GUCY2F: variants seen among roughly 807,000 people sequenced by gnomAD.
GUCY2F encodes guanylate cyclase 2F, retinal.
In GUCY2F, 61 loss-of-function variants were observed where a neutral mutation model predicts 73.1. That is an observed-to-expected ratio of 0.83 (90% CI 0.68 to 1.03). The LOEUF (loss-of-function observed/expected upper bound fraction) is 1.03, where lower values mean the gene tolerates loss of function less well. Ranked by LOEUF, GUCY2F falls within the 50% of genes least tolerant of loss-of-function variation. GUCY2F has a pLI of 0.00. For missense variants in GUCY2F, 912 were observed against 854.3 expected, an observed-to-expected ratio of 1.07 and a Z score of -0.84; for synonymous variants, 331 against 307.8, an observed-to-expected ratio of 1.08 and a Z score of -0.79.
At chrX:109,476,775 C>CT (rs901225259) in intron 1 of GUCY2F, among the ~76,000 whole-genome samples, 1 of 95,304 alleles carries the variant, frequency 1.0e-5, no homozygotes, top group African/African-American at 5.4e-5. Context: ...GATAGATAGA[C>CT]AGACTATATA....
intron 15 of GUCY2F, among the ~76,000 whole-genome samples, 162 bp from the exon 16 acceptor site, chrX:109,385,444 T>A (rs1217983988): frequency 1.2e-4 from 14 of 112,622 alleles, no homozygotes; most frequent in South Asian, 3.6e-4. Flanking sequence ...AGTGAACTCT[T>A]TGCCCTACAA....
intron 8 of GUCY2F, among the ~76,000 whole-genome samples, chrX:109,414,871 C>T (rs1028197304): frequency 9.0e-6 from 1 of 111,630 alleles, no homozygotes; most frequent in Non-Finnish European, 1.9e-5. Flanking sequence ...AAGTAAAAGC[C>T]AGTGTGCCTT....
At chrX:109,373,118 A>T (rs987415316) in intron 19 of GUCY2F, 119 bp from the exon 20 acceptor site, 2 of 113,078 alleles carry the variant, frequency 1.8e-5, no homozygotes, top group African/African-American at 6.4e-5. Flanking sequence ...ACAGCTTGCA[A>T]ATTGCTCAAC....
chrX:109,419,962 G>T (rs776433187), intron 8 of GUCY2F, among the ~76,000 whole-genome samples: 17 of 109,992 alleles, frequency 1.5e-4, no homozygotes, highest in Non-Finnish European at 3.3e-4. Flanking sequence ...TGGCATTATG[G>T]TTACACTAAT....
At chrX:109,423,082 G>A (rs1362870515) in intron 8 of GUCY2F, among the ~76,000 whole-genome samples, 5 of 111,872 alleles carry the variant, frequency 4.5e-5, no homozygotes, top group Admixed American at 9.5e-5. Context: ...TCTGGTTTTC[G>A]GTGAACACAA....
chrX:109,412,329 A>G (rs1207356888), intron 8 of GUCY2F, among the ~76,000 whole-genome samples: 4 of 111,712 alleles, frequency 3.6e-5, no homozygotes, highest in Non-Finnish European at 7.5e-5. Flanking sequence ...GAGATGAATT[A>G]CACTATAGGA....
chrX:109,386,872 AC>A (rs1414526417), intron 15 of GUCY2F, among the ~76,000 whole-genome samples: 1 of 111,787 alleles, frequency 8.9e-6, no homozygotes, highest in Non-Finnish European at 1.9e-5. Flanking sequence ...ATAATGGTGA[AC>A]CCTACAAGAA....
intron 11 of GUCY2F, among the ~76,000 whole-genome samples, chrX:109,398,045 T>A (rs925977672): frequency 1.8e-5 from 2 of 111,235 alleles, no homozygotes; most frequent in African/African-American, 6.5e-5. Flanking sequence ...TCTTGTGGGT[T>A]CATACTTTGA....
intron 7 of GUCY2F, among the ~76,000 whole-genome samples, chrX:109,440,081 G>A (rs1931836249): frequency 8.9e-6 from 1 of 112,070 alleles, no homozygotes; most frequent in African/African-American, 3.2e-5. Context: ...GTCTTAGTCT[G>A]TTAGTACTGG....
intron 9 of GUCY2F, among the ~76,000 whole-genome samples, chrX:109,407,722 T>C (rs1244610821): frequency 8.8e-6 from 1 of 113,314 alleles, no homozygotes; most frequent in Admixed American, 9.2e-5. Flanking sequence ...GGGGCCAACA[T>C]AAAGCTTGGG....
At chrX:109,473,981 G>A (rs1932626942) in intron 2 of GUCY2F, among the ~76,000 whole-genome samples, 1 of 112,161 alleles carries the variant, frequency 8.9e-6, no homozygotes, top group African/African-American at 3.2e-5. Context: ...AGTAATCAGA[G>A]CCATACTGAT....
intron 8 of GUCY2F, among the ~76,000 whole-genome samples, chrX:109,424,712 A>G (rs1327647598): frequency 1.8e-5 from 2 of 110,915 alleles, no homozygotes; most frequent in Non-Finnish European, 3.8e-5. Context: ...TGTGAACCCA[A>G]AATAGTTCCA....
chrX:109,453,625 T>C lies in GUCY2F; in HGVS notation c.1267A>G (p.Thr423Ala), dbSNP rs777087860. 15 of 1,196,393 alleles carry C rather than the reference T, an allele frequency of 1.3e-5. No homozygotes were observed. The highest frequency in any genetic ancestry group is 1.7e-5 in the Non-Finnish European group (15 of 881,833). ...AGCAGCTCCATTTCCATGTCCACAG[T>C]GTAGGTGCTATGGAGTTCCCATTCT... ...LKEWELHSTYTVDMEMELLRF... is the reference protein window; with the variant it reads ...LKEWELHSTYAVDMEMELLRF... The change falls in exon 4 of 20, where the codon ACT becomes GCT. Residue 423 changes from threonine (T) to alanine (A), a missense_variant. By Grantham distance (58) the Thr-to-Ala change is moderately conservative. Coordinates refer to ENST00000218006, the MANE Select transcript of GUCY2F (RefSeq NM_001522.3).
chrX:109,439,358 G>A (rs1393010541), intron 7 of GUCY2F, among the ~76,000 whole-genome samples: 1 of 111,412 alleles, frequency 9.0e-6, no homozygotes, highest in African/African-American at 3.3e-5. Flanking sequence ...ATGTCTTTGG[G>A]GTCATTCTCC....
chrX:109,417,420 A>G (rs1411942874), intron 8 of GUCY2F, among the ~76,000 whole-genome samples: 2 of 111,418 alleles, frequency 1.8e-5, no homozygotes, highest in East Asian at 2.8e-4. Context: ...TAATTCTAAG[A>G]AGACTATGAT....
intron 7 of GUCY2F, among the ~76,000 whole-genome samples, chrX:109,435,634 G>C (rs200097981): frequency 0.071 from 7,755 of 108,691 alleles, 734 homozygotes; most frequent in African/African-American, 0.24. Context: ...TCTCCTGCCT[G>C]ATTGCCCTGG....
intron 10 of GUCY2F, 132 bp from the exon 11 acceptor site, chrX:109,398,830 C>T (rs1930772507): frequency 3.9e-6 from 2 of 516,988 alleles, no homozygotes; most frequent in Admixed American, 3.8e-5. Flanking sequence ...CATGCTAGTG[C>T]CCCCCATCCC....
chrX:109,383,069 A>G (rs914285981), intron 16 of GUCY2F, among the ~76,000 whole-genome samples: 1 of 111,547 alleles, frequency 9.0e-6, no homozygotes, highest in African/African-American at 3.3e-5. Context: ...CTGAGTAGGA[A>G]GGCATGGCGG....
At chrX:109,416,518 GT>G (rs1931245150) in intron 8 of GUCY2F, among the ~76,000 whole-genome samples, 1 of 39,630 alleles carries the variant, frequency 2.5e-5, no homozygotes, top group Non-Finnish European at 4.6e-5. Context: ...AAAAGGATAA[GT>G]GGGGACAATA....
Sources: allele counts gnomAD v4.1 joint callset (sites outside exome capture counted in the v4.1 genomes callset), GRCh38; gene constraint gnomAD v4.1.1; transcripts MANE v1.5; gene names NCBI Gene and HGNC (gene_info 2026-07-23, HGNC 2026-07-21).